PRCC: variants seen among roughly 807,000 people sequenced by gnomAD.
The protein encoded by PRCC is proline-rich protein PRCC.
PRCC carries 10 observed loss-of-function variants against 44.0 expected under a neutral mutation model. That is an observed-to-expected ratio of 0.23 (90% CI 0.14 to 0.39). The LOEUF (loss-of-function observed/expected upper bound fraction) is 0.39, where lower values mean the gene tolerates loss of function less well. PRCC is among the 10% of genes least tolerant of loss of function. The pLI is 1.00. For missense variants in PRCC, 573 were observed against 624.7 expected (o/e 0.92, Z 0.88); for synonymous variants, 278 against 259.5 (o/e 1.07, Z -0.69).
intron 3 of PRCC, among the ~76,000 whole-genome samples, chr1:156,789,863 C>T (rs1238270303): frequency 1.3e-5 from 2 of 152,298 alleles, no homozygotes; most frequent in African/African-American, 2.4e-5. Context: ...GTTGTATTCA[C>T]CTGTTGTTTG....
rs1338985320 is a variant in PRCC, at chr1:156,767,810, G to A, written c.39G>A (p.Glu13=). The A allele has an allele frequency of 6.2e-7, 1 of 1,609,772 alleles. No individual in the cohort carries two copies. The change falls in exon 1 of 7, where the codon GAG becomes GAA. Residue 13 remains glutamate (E), a synonymous_variant. Coordinates refer to ENST00000271526, the MANE Select transcript of PRCC (RefSeq NM_005973.5). ...LVAYASSDES[E]PDEAEPEPEE... ...CTTACGCCAGCAGCGATGAGAGCGA[G>A]CCGGATGAGGCTGAGCCCGAGCCGG...
chr1:156,792,379 A>T (rs987737635), intron 4 of PRCC, among the ~76,000 whole-genome samples: 1 of 152,114 alleles, frequency 6.6e-6, no homozygotes, highest in African/African-American at 2.4e-5. Context: ...TCCTAAGAGC[A>T]CGTCCACTTT....
intron 3 of PRCC, among the ~76,000 whole-genome samples, chr1:156,788,590 G>T (rs906386393): frequency 2.0e-5 from 3 of 151,840 alleles, no homozygotes; most frequent in African/African-American, 7.3e-5. Context: ...TTTCCACGGT[G>T]GCTGAACTAA....
rs76271348 is a variant in PRCC at position 156,774,157 on chromosome 1, CTTTTTTTTTTT to C, written c.468+5944_468+5954del. 6.4e-3 allele frequency among the ~76,000 whole-genome samples: 347 copies of C among 53,924 alleles called. 2 individuals carry two copies. The highest frequency in any genetic ancestry group is 0.025 in the African/African-American group (307 of 12,064). 35.4% of individuals were successfully genotyped at this position (53,924 alleles called of 152,430 possible). On this transcript the variant is annotated intron_variant, in intron 1 of 6. Coordinates refer to ENST00000271526, the MANE Select transcript of PRCC (RefSeq NM_005973.5). ...GAGTTTCTTTCTTTTTTTGAGTCACCTTTTTTTTTTTTTTTTTTTTTTTTTTTTTTTTTTTT... is the reference window on the plus strand; with the variant it reads ...GAGTTTCTTTCTTTTTTTGAGTCACCTTTTTTTTTTTTTTTTTTTTTTTTT...
At position 156,767,554 on chromosome 1, in the gene PRCC, T is replaced by TTGCCCGGGACTAGGA; in HGVS notation, c.-217_-203dup. 1 of 574,368 alleles carries TTGCCCGGGACTAGGA rather than the reference T, an allele frequency of 1.7e-6. No individual in the cohort carries two copies. 35.6% of individuals were successfully genotyped at this position (574,368 alleles called of 1,614,324 possible). A position where few individuals can be genotyped will look rare whatever the true frequency, so the allele number is the denominator to read the frequency against. On this transcript the variant is annotated 5_prime_UTR_variant, in exon 1 of 7. In the 5' UTR this introduces an upstream ATG that the reference lacks. Transcript: ENST00000271526. ...CTCGGCGGCCATTAGCTGTGTGTAG[T>TTGCCCGGGACTAGGA]TGCCCGGGACTAGGAGCTTAAGTGA...
chr1:156,800,549 C>G lies in PRCC; in HGVS notation c.*89C>G. The G allele has an allele frequency of 7.6e-7, 1 of 1,320,644 alleles. No homozygotes were observed. Among genetic ancestry groups the G allele is most frequent in the Non-Finnish European group, 1.1e-6 (1 of 920,620 alleles). 81.8% of individuals were successfully genotyped at this position (1,320,644 alleles called of 1,614,324 possible). ...CCTCTGGGACCCCAGCTGCTCTAAG[C>G]CCAGGATCTCTTTCCCCAAGGACCC... On this transcript the variant is annotated 3_prime_UTR_variant, in exon 7 of 7. Coordinates refer to ENST00000271526, the MANE Select transcript of PRCC (RefSeq NM_005973.5).
intron 2 of PRCC, among the ~76,000 whole-genome samples, chr1:156,783,312 C>G (rs1174488186): frequency 6.6e-6 from 1 of 152,192 alleles, no homozygotes; most frequent in Admixed American, 6.5e-5. Context: ...CTGCTGTTTG[C>G]TTCTGTTTCC....
chr1:156,782,162 C>T, intron 1 of PRCC, 120 bp from the exon 2 acceptor site: 1 of 836,976 alleles, frequency 1.2e-6, no homozygotes, highest in South Asian at 1.8e-5. Flanking sequence ...TACCTCTGTA[C>T]AGAGGTGGGG....
chr1:156,791,748 C>G lies in PRCC; in HGVS notation c.1135C>G (p.Pro379Ala), dbSNP rs17850664. 3.7e-6 allele frequency: 6 copies of G among 1,613,924 alleles called. No homozygotes were observed. Among genetic ancestry groups the G allele is most frequent in the Admixed American group, 1.7e-5 (1 of 59,970 alleles). The change falls in exon 4 of 7, where the codon CCC becomes GCC. Residue 379 changes from proline to alanine, a missense_variant. Physicochemically the swap from Pro to Ala is conservative, Grantham distance 27 (BLOSUM62 -1). Around this residue, in one of 4 missense-constraint regions of PRCC, gnomAD observed 141 missense variants for 130.2 expected, o/e 1.08. Transcript: ENST00000271526. Reference protein sequence around the residue: ...YPAQDPALVPPQEIAPDASFI... With the variant: ...YPAQDPALVPAQEIAPDASFI... Reference sequence around the variant, plus strand: ...TGCACAGGACCCGGCCCTGGTCCCCCCCCAGGAAATTGCCCCAGATGCCTC... The same window carrying G: ...TGCACAGGACCCGGCCCTGGTCCCCGCCCAGGAAATTGCCCCAGATGCCTC...
intron 1 of PRCC, among the ~76,000 whole-genome samples, chr1:156,778,137 C>G (rs1223785731): frequency 6.6e-6 from 1 of 152,036 alleles, no homozygotes; most frequent in Non-Finnish European, 1.5e-5. Context: ...TGCAATAGAT[C>G]TCAAAAAAAA....
chr1:156,797,064 A>G, intron 5 of PRCC: 1 of 541,736 alleles, frequency 1.8e-6, no homozygotes, highest in Non-Finnish European at 3.3e-6. Context: ...AGGCTATTTC[A>G]GGCAAGTGTT....
At chr1:156,788,578 A>G (rs1652360279) in intron 3 of PRCC, among the ~76,000 whole-genome samples, 1 of 151,384 alleles carries the variant, frequency 6.6e-6, no homozygotes, top group African/African-American at 2.4e-5. Context: ...TCTCCAAACT[A>G]CTTTCCACGG....
In PRCC at chr1:156,767,879, G is replaced by T; in HGVS notation, c.108G>T (p.Gly36=). 1 of 1,605,340 alleles carries T rather than the reference G, an allele frequency of 6.2e-7. No individual in the cohort carries two copies. The highest frequency in any genetic ancestry group is 2.2e-5 in the East Asian group (1 of 44,624). Residue 36 remains glycine, a synonymous_variant, in exon 1 of 7, where the codon GGG becomes GGT. Coordinates refer to ENST00000271526, the MANE Select transcript of PRCC (RefSeq NM_005973.5). ...AVAPTSGPAL[G]GLFASLPAPK... is the part of the protein sequence containing the mutation. ...CTCCTACATCTGGGCCCGCTTTAGGGGGCTTGTTCGCTTCTCTCCCTGCGC... is the reference window on the plus strand; with the variant it reads ...CTCCTACATCTGGGCCCGCTTTAGGTGGCTTGTTCGCTTCTCTCCCTGCGC...
At chr1:156,794,201 C>T (rs896392306) in intron 4 of PRCC, among the ~76,000 whole-genome samples, 6 of 151,872 alleles carry the variant, frequency 4.0e-5, no homozygotes, top group Non-Finnish European at 7.4e-5. Flanking sequence ...AGGTGATCCG[C>T]CCACCTCGGC....
intron 1 of PRCC, among the ~76,000 whole-genome samples, chr1:156,775,935 C>G (rs1308256797): frequency 6.6e-6 from 1 of 152,244 alleles, no homozygotes; most frequent in Non-Finnish European, 1.5e-5. Context: ...GGGTGAACCA[C>G]TGTGCCTGGC....
At chr1:156,792,251 T>A (rs565080424) in intron 4 of PRCC, among the ~76,000 whole-genome samples, 50 of 151,862 alleles carry the variant, frequency 3.3e-4, no homozygotes, top group African/African-American at 1.2e-3. Flanking sequence ...TGGCCTTTAT[T>A]CTTATGGTCC....
At chr1:156,770,849 A>G (rs1398765460) in intron 1 of PRCC, among the ~76,000 whole-genome samples, 1 of 152,204 alleles carries the variant, frequency 6.6e-6, no homozygotes, top group Non-Finnish European at 1.5e-5. Context: ...GAAGTAATTA[A>G]CTCTCAACCA....
Position 156,767,698 on chromosome 1 carries a change from C to G in PRCC, c.-74C>G, listed in dbSNP as rs914044369. Reference sequence around the variant, plus strand: ...CCGCCCCGCCAGGTGGCGGGGCCTACTAGGCCTCCGGGCATCCCCGGTCTC... The same window carrying G: ...CCGCCCCGCCAGGTGGCGGGGCCTAGTAGGCCTCCGGGCATCCCCGGTCTC... On this transcript the variant is annotated 5_prime_UTR_variant, in exon 1 of 7. Coordinates refer to ENST00000271526, the MANE Select transcript of PRCC (RefSeq NM_005973.5). The G allele has an allele frequency of 3.5e-6, 5 of 1,448,500 alleles. No individual in the cohort carries two copies. The highest frequency in any genetic ancestry group is 2.5e-5 in the Admixed American group (1 of 39,938). 89.7% of individuals were successfully genotyped at this position (1,448,500 alleles called of 1,614,324 possible). A position where few individuals can be genotyped will look rare whatever the true frequency, so the allele number is the denominator to read the frequency against.
At chr1:156,779,695 T>C (rs934835174) in intron 1 of PRCC, among the ~76,000 whole-genome samples, 13 of 152,032 alleles carry the variant, frequency 8.6e-5, no homozygotes, top group African/African-American at 2.9e-4. Context: ...TTATTTCTGT[T>C]TTGTAAAAAA....
Sources: gnomAD v4.1 joint callset for allele counts (sites outside exome capture counted in the v4.1 genomes callset) on GRCh38, gnomAD v4.1.1 for gene constraint, gnomAD v4.1.1 regional missense constraint, MANE v1.5 for transcripts, NCBI Gene and HGNC (gene_info 2026-07-23, HGNC 2026-07-21) for gene names.